Variants in TFCP2L1 observed in about 807,000 individuals in gnomAD.
The protein encoded by TFCP2L1 is transcription factor CP2 like 1.
TFCP2L1 carries 12 observed loss-of-function variants against 72.2 expected under a neutral mutation model. The ratio of observed to expected loss-of-function variants is 0.17; its 90% CI spans 0.11 to 0.27. TFCP2L1 has a LOEUF of 0.27. Ranked by LOEUF, TFCP2L1 falls within the 10% of genes least tolerant of loss-of-function variation. The pLI, the probability that TFCP2L1 is intolerant of heterozygous loss-of-function variation, is 1.00. For missense variants in TFCP2L1, 488 were observed against 624.6 expected, an observed-to-expected ratio of 0.78 and a Z score of 2.33; for synonymous variants, 260 against 251.0, an observed-to-expected ratio of 1.04 and a Z score of -0.34.
At chr2:121,239,484 G>T in intron 8 of TFCP2L1, 74 bp downstream of exon 8, 1 of 1,536,476 alleles carries the variant, frequency 6.5e-7, no homozygotes. Context: ...AGGAGACCCA[G>T]AAAGGAAGAC....
At chr2:121,283,904 G>A (rs1687312891) in intron 1 of TFCP2L1, among the ~76,000 whole-genome samples, 1 of 152,162 alleles carries the variant, frequency 6.6e-6, no homozygotes, top group South Asian at 2.1e-4. Context: ...GTGGTCTGCC[G>A]GGTGGCTGTC....
intron 14 of TFCP2L1, 79 bp from the exon 15 acceptor site, chr2:121,224,466 G>T: frequency 1.4e-6 from 2 of 1,468,388 alleles, no homozygotes; most frequent in Non-Finnish European, 1.9e-6. Flanking sequence ...CAAAAGGCAC[G>T]CTGTTAGGGT....
At chr2:121,259,817 T>C (rs1278196934) in intron 2 of TFCP2L1, among the ~76,000 whole-genome samples, 1 of 152,154 alleles carries the variant, frequency 6.6e-6, no homozygotes, top group East Asian at 1.9e-4. Context: ...CCTGTTAAAT[T>C]AGATATATCT....
In TFCP2L1 at chr2:121,285,062, G is replaced by A. The variant is rs1687340479; in HGVS notation, c.48C>T (p.Ser16=). The A allele has an allele frequency of 1.3e-6, 2 of 1,518,176 alleles. No individual in the cohort carries two copies. Among genetic ancestry groups the A allele is most frequent in the Admixed American group, 2.2e-5 (1 of 45,824 alleles). 94.0% of individuals were successfully genotyped at this position (1,518,176 alleles called of 1,614,324 possible). ...TQPEHYNQHN[S]GSYLRDVLAL... ...GCGGCCCTTACCGCAGGTAGCTGCC[G>A]GAGTTGTGCTGGTTGTAGTGCTCGG... Residue 16 remains serine, a synonymous_variant, in exon 1 of 15, where the codon TCC becomes TCT. Transcript: ENST00000263707.
At chr2:121,254,580 C>T (rs1686677139) in intron 2 of TFCP2L1, among the ~76,000 whole-genome samples, 1 of 152,170 alleles carries the variant, frequency 6.6e-6, no homozygotes, top group Non-Finnish European at 1.5e-5. Context: ...GATGGATTGC[C>T]TGAGGTCAGG....
chr2:121,267,889 C>A (rs1686965383), intron 2 of TFCP2L1, among the ~76,000 whole-genome samples: 1 of 152,130 alleles, frequency 6.6e-6, no homozygotes, highest in Admixed American at 6.5e-5. Context: ...GTTTTCAAAA[C>A]AACAAAGAAG....
chr2:121,250,272 G>A (rs1174302073), intron 2 of TFCP2L1, among the ~76,000 whole-genome samples: 1 of 151,628 alleles, frequency 6.6e-6, no homozygotes, highest in Admixed American at 6.6e-5. Flanking sequence ...AAACCTGAAG[G>A]AAATGACACG....
At chr2:121,224,687 A>G (rs1005665522) in intron 14 of TFCP2L1, among the ~76,000 whole-genome samples, 2 of 152,064 alleles carry the variant, frequency 1.3e-5, no homozygotes, top group East Asian at 3.9e-4. Context: ...AAGGCCCCAA[A>G]GACACTTGGT....
intron 13 of TFCP2L1, among the ~76,000 whole-genome samples, chr2:121,231,099 T>A (rs1004814170): frequency 2.0e-5 from 3 of 152,090 alleles, no homozygotes; most frequent in Non-Finnish European, 4.4e-5. Context: ...CCCGCATCTG[T>A]GAAATGGGAT....
chr2:121,256,655 T>C (rs1428238267), intron 2 of TFCP2L1, among the ~76,000 whole-genome samples: 1 of 151,972 alleles, frequency 6.6e-6, no homozygotes, highest in Non-Finnish European at 1.5e-5. Flanking sequence ...TGGGCGCCTG[T>C]AGTCCCAGGT....
chr2:121,248,472 C>T (rs1182884173), intron 4 of TFCP2L1, among the ~76,000 whole-genome samples: 1 of 152,202 alleles, frequency 6.6e-6, no homozygotes, highest in African/African-American at 2.4e-5. Context: ...TTTGTATGAA[C>T]CGTCATTTTA....
chr2:121,226,322 G>C (rs1369010810), intron 13 of TFCP2L1, among the ~76,000 whole-genome samples: 2 of 150,238 alleles, frequency 1.3e-5, no homozygotes, highest in Non-Finnish European at 3.0e-5. Flanking sequence ...TGAATATGAA[G>C]GATGGAAAGA....
At chr2:121,243,754 A>G (rs1277424209) in intron 6 of TFCP2L1, among the ~76,000 whole-genome samples, 1 of 151,902 alleles carries the variant, frequency 6.6e-6, no homozygotes, top group Non-Finnish European at 1.5e-5. Context: ...GAGACCATCT[A>G]GTTGCAGGAA....
At chr2:121,282,518 TAAA>T (rs796221589) in intron 1 of TFCP2L1, among the ~76,000 whole-genome samples, 1 of 117,054 alleles carries the variant, frequency 8.5e-6, no homozygotes, top group Non-Finnish European at 1.8e-5. Flanking sequence ...CCACCATCTC[TAAA>T]AAAAAAAAAA....
At position 121,235,325 on chromosome 2, in the gene TFCP2L1, A is replaced by T; in HGVS notation, c.1004-14T>A. 6.2e-7 allele frequency: 1 copy of T among 1,613,908 alleles called. No individual in the cohort carries two copies. Reference sequence around the variant, plus strand: ...GCAAGTCAGCACCTAGGCAGGAAAAAAACGGGGATGCCTGTTACATGGAAC... The same window carrying T: ...GCAAGTCAGCACCTAGGCAGGAAAATAACGGGGATGCCTGTTACATGGAAC... On this transcript the variant is annotated splice_polypyrimidine_tract_variant and intron_variant, in intron 10 of 14. Transcript: ENST00000263707.
At chr2:121,264,640 G>C (rs1686893717) in intron 2 of TFCP2L1, among the ~76,000 whole-genome samples, 1 of 152,226 alleles carries the variant, frequency 6.6e-6, no homozygotes, top group African/African-American at 2.4e-5. Context: ...CTGGTGGGCA[G>C]AGCTTGCAGA....
Position 121,275,412 on chromosome 2 carries a change from A to AAAAAAAAAAAAAAAAAAAT in TFCP2L1, c.214+5707_214+5708insATTTTTTTTTTTTTTTTTT. Among the ~76,000 whole-genome samples the AAAAAAAAAAAAAAAAAAAT allele has an allele frequency of 2.0e-5, 3 of 150,918 alleles. 1 individual carries two copies. The highest frequency in any genetic ancestry group is 4.4e-5 in the Non-Finnish European group (3 of 67,752). On this transcript the variant is annotated intron_variant, in intron 2 of 14. Coordinates refer to ENST00000263707, the MANE Select transcript of TFCP2L1 (RefSeq NM_014553.3). ...AGACTCCATCTCAAAAAAAAAAAAAAAAAGAAATAACATGTAGACATTTTA... is the reference window on the plus strand; with the variant it reads ...AGACTCCATCTCAAAAAAAAAAAAAAAAAAAAAAAAAAAAAAAATAAAGAAATAACATGTAGACATTTTA...
intron 14 of TFCP2L1, 78 bp from the exon 15 acceptor site, chr2:121,224,465 C>G: frequency 6.7e-7 from 1 of 1,483,046 alleles, no homozygotes; most frequent in Non-Finnish European, 9.3e-7. Flanking sequence ...CCAAAAGGCA[C>G]GCTGTTAGGG....
At chr2:121,258,726 G>A (rs1050486017) in intron 2 of TFCP2L1, among the ~76,000 whole-genome samples, 5 of 152,188 alleles carry the variant, frequency 3.3e-5, no homozygotes, top group African/African-American at 1.2e-4. Context: ...AGATTCAAGC[G>A]GGGTCAGGAG....
Sources: allele counts gnomAD v4.1 joint callset (sites outside exome capture counted in the v4.1 genomes callset), GRCh38; gene constraint gnomAD v4.1.1; transcripts MANE v1.5; gene names NCBI Gene and HGNC (gene_info 2026-07-23, HGNC 2026-07-21).